The following STAM2 variants were observed in gnomAD, a reference collection of about 807,000 sequenced individuals.
The protein encoded by STAM2 is signal transducing adaptor molecule 2, also known as signal transducing adapter molecule 2.
STAM2 carries 51 observed loss-of-function variants against 65.6 expected under a neutral mutation model. That is an observed-to-expected ratio of 0.78 (90% confidence interval 0.62 to 0.98). STAM2 has a LOEUF of 0.98. Ranked by LOEUF, STAM2 falls within the 50% of genes least tolerant of loss-of-function variation. The pLI is 0.00. For synonymous variants in STAM2, 198 were observed against 208.4 expected, an observed-to-expected ratio of 0.95 and a Z score of 0.43; for missense variants, 584 against 617.8, an observed-to-expected ratio of 0.95 and a Z score of 0.58.
intron 11 of STAM2, among the ~76,000 whole-genome samples, chr2:152,131,121 A>G (rs1689054146): frequency 6.6e-6 from 1 of 152,122 alleles, no homozygotes; most frequent in African/African-American, 2.4e-5. Context: ...ACACTAGAGA[A>G]ATTTCATTTA....
At position 152,159,110 on chromosome 2, in the gene STAM2, T is replaced by TATATATATACATATAC. The variant is rs575009275; in HGVS notation, c.41-8882_41-8881insGTATATGTATATATAT. On this transcript the variant is annotated intron_variant, in intron 1 of 13. Coordinates refer to ENST00000263904, the MANE Select transcript of STAM2 (RefSeq NM_005843.6). ...AAAAAAAACCATATATATATATATA[T>TATATATATACATATAC]ACACACACAGATATATATAATTTTT... is the stretch of plus-strand genomic sequence containing the variant. Among the ~76,000 whole-genome samples the TATATATATACATATAC allele has an allele frequency of 3.1e-5, 4 of 129,234 alleles. 1 individual carries two copies. Among genetic ancestry groups the TATATATATACATATAC allele is most frequent in the African/African-American group, 1.3e-4 (4 of 30,704 alleles). The allele number at this position is 129,234 out of a possible 152,430, so 84.8% of individuals were successfully genotyped here.
rs903195318 is a variant in STAM2, at chr2:152,133,447, C to T, written c.837G>A (p.Val279=). 11 of 1,612,632 alleles carry T rather than the reference C, an allele frequency of 6.8e-6. No homozygotes were observed. The highest frequency in any genetic ancestry group is 1.3e-5 in the African/African-American group (1 of 74,842). Residue 279 remains valine (V), a synonymous_variant, in exon 9 of 14, where the codon GTG becomes GTA. Coordinates refer to ENST00000263904, the MANE Select transcript of STAM2 (RefSeq NM_005843.6). The part of the protein sequence containing the change: ...VDKLNVIDDD[V]EEIKKSEPEP... ...CAGGCTCTGATTTCTTAATTTCCTC[C>T]ACATCATCATCAATTACATTCAATT...
intron 1 of STAM2, among the ~76,000 whole-genome samples, chr2:152,172,872 A>AAAAAAG (rs1689920942): frequency 6.6e-6 from 1 of 151,910 alleles, no homozygotes; most frequent in Admixed American, 6.6e-5. Flanking sequence ...CAAAAAAAAA[A>AAAAAAG]AAAAAGAAAA....
At chr2:152,148,636 C>G (rs551754211) in intron 2 of STAM2, among the ~76,000 whole-genome samples, 2 of 152,162 alleles carry the variant, frequency 1.3e-5, no homozygotes, top group Non-Finnish European at 2.9e-5. Context: ...ATACTCCAGC[C>G]TGGATGACAG....
Position 152,175,547 on chromosome 2 carries a change from C to T in STAM2, c.40+56G>A, listed in dbSNP as rs1690000911. ...CGCTACCGCCCACTTTCTAGCCGGA[C>T]AAACAGCAGTCCAGGGCCAGGCACA... On this transcript the variant is annotated intron_variant, in intron 1 of 13. Coordinates refer to ENST00000263904, the MANE Select transcript of STAM2 (RefSeq NM_005843.6). 11 of 1,610,500 alleles carry T rather than the reference C, an allele frequency of 6.8e-6. No individual in the cohort carries two copies. In the South Asian group the frequency reaches 9.9e-5, roughly 14 times the overall value.
intron 13 of STAM2, among the ~76,000 whole-genome samples, chr2:152,122,949 C>T (rs1688884708): frequency 1.3e-5 from 2 of 151,742 alleles, no homozygotes; most frequent in Admixed American, 1.3e-4. Context: ...TGCCTGTAGT[C>T]CCAGCTACTG....
At position 152,119,595 on chromosome 2, in the gene STAM2, C is replaced by T. The variant is rs764616487; in HGVS notation, c.*979G>A. ...GAATGTCTCATGGTTCAAATTCACA[C>T]GCAATCCCATAAAAAGGATATGCAG... On this transcript the variant is annotated 3_prime_UTR_variant, in exon 14 of 14. Transcript: ENST00000263904. 3 of 152,260 alleles carry T rather than the reference C, an allele frequency of 2.0e-5. No homozygotes were observed. Among genetic ancestry groups the T allele is most frequent in the African/African-American group, 2.4e-5 (1 of 41,560 alleles). The allele number at this position is 152,260 out of a possible 1,614,324, so 9.4% of individuals were successfully genotyped here.
intron 1 of STAM2, among the ~76,000 whole-genome samples, chr2:152,173,715 T>C (rs1689950859): frequency 6.6e-6 from 1 of 152,114 alleles, no homozygotes; most frequent in South Asian, 2.1e-4. Flanking sequence ...GTATTAACGA[T>C]TTGAAATGAA....
At chr2:152,174,059 A>T (rs1469438932) in intron 1 of STAM2, among the ~76,000 whole-genome samples, 2 of 152,246 alleles carry the variant, frequency 1.3e-5, no homozygotes, top group East Asian at 1.9e-4. Flanking sequence ...GATCCACTAA[A>T]CCAATGCTGG....
intron 1 of STAM2, among the ~76,000 whole-genome samples, chr2:152,160,961 G>A (rs1375976694): frequency 1.3e-5 from 2 of 151,962 alleles, no homozygotes; most frequent in African/African-American, 4.8e-5. Context: ...GAAGTGAGGA[G>A]CCCCTCTGCC....
chr2:152,120,658 A>G lies in STAM2; in HGVS notation c.1494T>C (p.Pro498=). The G allele has an allele frequency of 6.2e-7, 1 of 1,614,134 alleles. No individual in the cohort carries two copies. The highest frequency in any genetic ancestry group is 8.5e-7 in the Non-Finnish European group (1 of 1,180,028). The change falls in exon 14 of 14, where the codon CCT becomes CCC. Residue 498 remains proline, a synonymous_variant. Transcript: ENST00000263904. ...SSYQNTTSNL[P]QLAGFPVTVP... Reference sequence around the variant, plus strand: ...CTGTCACCGGAAAGCCTGCCAGTTGAGGCAAATTGGAAGTAGTGTTCTGAT... The same window carrying G: ...CTGTCACCGGAAAGCCTGCCAGTTGGGGCAAATTGGAAGTAGTGTTCTGAT...
At chr2:152,155,396 A>G (rs1406708706) in intron 1 of STAM2, among the ~76,000 whole-genome samples, 1 of 152,220 alleles carries the variant, frequency 6.6e-6, no homozygotes, top group African/African-American at 2.4e-5. Context: ...TTCACTGCTG[A>G]GCATACAAAT....
At chr2:152,157,512 A>C (rs1055056693) in intron 1 of STAM2, among the ~76,000 whole-genome samples, 11 of 152,222 alleles carry the variant, frequency 7.2e-5, no homozygotes, top group Admixed American at 7.2e-4. Context: ...TACACACAGC[A>C]AGGAAAAGCC....
At chr2:152,145,613 C>T (rs909410255) in intron 5 of STAM2, among the ~76,000 whole-genome samples, 3 of 152,176 alleles carry the variant, frequency 2.0e-5, no homozygotes, top group African/African-American at 7.2e-5. Flanking sequence ...AGGAGCTCTG[C>T]TATAGGAGTA....
intron 1 of STAM2, among the ~76,000 whole-genome samples, chr2:152,160,912 G>T (rs1482010063): frequency 6.6e-6 from 1 of 151,640 alleles, no homozygotes; most frequent in East Asian, 2.0e-4. Flanking sequence ...CGCCCCATCC[G>T]GGAGGTGAGG....
intron 11 of STAM2, 109 bp downstream of exon 11, chr2:152,132,005 T>C: frequency 1.5e-6 from 1 of 659,712 alleles, no homozygotes; most frequent in Non-Finnish European, 2.5e-6. Flanking sequence ...TGAAAAACAA[T>C]TTCCATGAAT....
In STAM2 at chr2:152,120,222, A is replaced by G. The variant is rs71350312; in HGVS notation, c.*352T>C. The G allele has an allele frequency of 0.053, 11,112 of 209,316 alleles. 211 individuals are homozygous for G. Among genetic ancestry groups the G allele is most frequent in the Non-Finnish European group, 0.065 (7,078 of 108,368 alleles). 13.0% of individuals were successfully genotyped at this position (209,316 alleles called of 1,614,324 possible). A position where few individuals can be genotyped will look rare whatever the true frequency, so the allele number is the denominator to read the frequency against. Reference sequence around the variant, plus strand: ...CTCACTCTGTCGATCATGCTACTGCACTCCAGCCTGGGTGACAGAGCGAGT... The same window carrying G: ...CTCACTCTGTCGATCATGCTACTGCGCTCCAGCCTGGGTGACAGAGCGAGT... On this transcript the variant is annotated 3_prime_UTR_variant, in exon 14 of 14. Coordinates refer to ENST00000263904, the MANE Select transcript of STAM2 (RefSeq NM_005843.6).
chr2:152,122,070 A>ATG (rs1301269911), intron 13 of STAM2, among the ~76,000 whole-genome samples: 17 of 112,314 alleles, frequency 1.5e-4, no homozygotes, highest in African/African-American at 5.0e-4. Flanking sequence ...ATATATATAT[A>ATG]TATATATGTG....
At chr2:152,150,499 A>T (rs953140489) in intron 1 of STAM2, among the ~76,000 whole-genome samples, 3 of 152,260 alleles carry the variant, frequency 2.0e-5, no homozygotes, top group East Asian at 3.8e-4. Flanking sequence ...TTTGGAAGAA[A>T]GTTTTAAAGA....
Sources: gnomAD v4.1 joint callset for allele counts (sites outside exome capture counted in the v4.1 genomes callset) on GRCh38, gnomAD v4.1.1 for gene constraint, MANE v1.5 for transcripts, NCBI Gene and HGNC (gene_info 2026-07-23, HGNC 2026-07-21) for gene names.